RIC1: variants seen among roughly 807,000 people sequenced by gnomAD.
RIC1 encodes the protein guanine nucleotide exchange factor subunit RIC1.
RIC1 carries 88 observed loss-of-function variants against 169.0 expected under a neutral mutation model. The observed-to-expected ratio is 0.52, with a 90% CI of 0.44 to 0.62. The LOEUF is 0.62. RIC1 is among the 20% of genes least tolerant of loss of function. The pLI is 0.00. For missense variants in RIC1, 1,877 were observed against 1,725.5 expected (o/e 1.09, Z -1.56); for synonymous variants, 790 against 601.5 (o/e 1.31, Z -4.59).
chr9:5,766,538 A>G (rs1015685969), intron 21 of RIC1, among the ~76,000 whole-genome samples: 1 of 151,940 alleles, frequency 6.6e-6, no homozygotes, highest in Non-Finnish European at 1.5e-5. Context: ...CCATTGTATC[A>G]TTCTTATGCC....
At position 5,732,371 on chromosome 9, in the gene RIC1, A is replaced by G. The variant is rs1420674974; in HGVS notation, c.721-17A>G. The G allele has an allele frequency of 8.8e-6, 14 of 1,591,152 alleles. No individual in the cohort carries two copies. Among genetic ancestry groups the G allele is most frequent in the South Asian group, 1.1e-5 (1 of 87,800 alleles). On this transcript the variant is annotated splice_polypyrimidine_tract_variant and intron_variant, in intron 6 of 25. Transcript: ENST00000414202. ...GAGAAACACTTTTTAAGCCTTAACT[A>G]TTTTTCTTTATTATAGCAGCTTCAT...
chr9:5,669,315 C>T (rs1175995502), intron 2 of RIC1, among the ~76,000 whole-genome samples: 1 of 152,164 alleles, frequency 6.6e-6, no homozygotes, highest in Non-Finnish European at 1.5e-5. Flanking sequence ...CCCCAAAGTC[C>T]ATTGTATCAT....
intron 3 of RIC1, among the ~76,000 whole-genome samples, chr9:5,703,328 TTAAAGCTCCAA>T (rs1173820944): frequency 1.3e-5 from 2 of 152,252 alleles, no homozygotes; most frequent in Non-Finnish European, 2.9e-5. Flanking sequence ...TCATTAATTC[TTAAAGCTCCAA>T]AATAACCTCC....
intron 8 of RIC1, among the ~76,000 whole-genome samples, chr9:5,739,189 C>T (rs1365665454): frequency 6.6e-6 from 1 of 152,148 alleles, no homozygotes; most frequent in East Asian, 1.9e-4. Context: ...CTGAATCTCC[C>T]TAAGCCTTTG....
intron 3 of RIC1, among the ~76,000 whole-genome samples, chr9:5,701,194 G>GT (rs1016272542): frequency 2.6e-4 from 40 of 152,034 alleles, no homozygotes; most frequent in Admixed American, 2.6e-3. Context: ...AGCTCTGAAT[G>GT]TTTTTTTTCT....
chr9:5,674,755 T>C (rs1473780026), intron 2 of RIC1, among the ~76,000 whole-genome samples: 1 of 152,160 alleles, frequency 6.6e-6, no homozygotes, highest in Non-Finnish European at 1.5e-5. Flanking sequence ...ACCCTCCTTC[T>C]CTCCCCTCCA....
At chr9:5,713,393 C>T (rs1301934589) in intron 3 of RIC1, 1 of 152,364 alleles carries the variant, frequency 6.6e-6, no homozygotes, top group East Asian at 1.9e-4. Context: ...TACTAAGTAA[C>T]TTGTGAAACA....
chr9:5,633,569 C>T (rs1817825718), intron 1 of RIC1, among the ~76,000 whole-genome samples: 1 of 152,134 alleles, frequency 6.6e-6, no homozygotes, highest in African/African-American at 2.4e-5. Context: ...ACTGCTTCCC[C>T]ACTACTGCCA....
intron 1 of RIC1, among the ~76,000 whole-genome samples, chr9:5,638,958 C>T (rs537188331): frequency 1.3e-5 from 2 of 152,220 alleles, no homozygotes; most frequent in Admixed American, 6.5e-5. Flanking sequence ...CTTTATTCTC[C>T]AGGCTAGAGT....
At chr9:5,643,125 C>A (rs1229019531) in intron 1 of RIC1, among the ~76,000 whole-genome samples, 1 of 151,896 alleles carries the variant, frequency 6.6e-6, no homozygotes, top group Non-Finnish European at 1.5e-5. Context: ...TATAGGGAGA[C>A]CCCCATCTCT....
chr9:5,698,511 A>G (rs1416684143), intron 3 of RIC1, among the ~76,000 whole-genome samples: 1 of 152,212 alleles, frequency 6.6e-6, no homozygotes, highest in African/African-American at 2.4e-5. Context: ...AAGTTAATGT[A>G]TGGAAAATAC....
intron 3 of RIC1, among the ~76,000 whole-genome samples, chr9:5,700,196 A>C (rs1822132930): frequency 1.3e-5 from 2 of 152,088 alleles, no homozygotes; most frequent in African/African-American, 4.8e-5. Flanking sequence ...AATGACCGAC[A>C]CTTCTTAGCT....
intron 12 of RIC1, among the ~76,000 whole-genome samples, chr9:5,748,150 G>A (rs537768238): frequency 4.1e-4 from 63 of 152,252 alleles, no homozygotes; most frequent in African/African-American, 1.5e-3. Flanking sequence ...GTAAGTTGAA[G>A]TTTCTTAAAA....
At chr9:5,738,636 G>A (rs1181889634) in intron 8 of RIC1, 98 bp downstream of exon 8, 47 of 650,392 alleles carry the variant, frequency 7.2e-5, no homozygotes, top group Non-Finnish European at 1.0e-4. Flanking sequence ...TACATGTCAT[G>A]CTATAGGTCA....
At chr9:5,681,534 A>C (rs923745439) in intron 2 of RIC1, among the ~76,000 whole-genome samples, 2 of 152,114 alleles carry the variant, frequency 1.3e-5, no homozygotes, top group Admixed American at 1.3e-4. Flanking sequence ...CTGTTCTTTT[A>C]CATTTGCTGA....
At chr9:5,728,975 G>A (rs1049230643) in intron 6 of RIC1, among the ~76,000 whole-genome samples, 1 of 152,046 alleles carries the variant, frequency 6.6e-6, no homozygotes, top group Admixed American at 6.6e-5. Flanking sequence ...TTTACTTGGG[G>A]GTCCTCCTAC....
At chr9:5,668,083 T>C (rs1819885382) in intron 2 of RIC1, among the ~76,000 whole-genome samples, 1 of 152,120 alleles carries the variant, frequency 6.6e-6, no homozygotes, top group South Asian at 2.1e-4. Flanking sequence ...CATGTCCCTC[T>C]TCACGTGGTG....
chr9:5,728,089 A>G (rs536643425), intron 6 of RIC1, among the ~76,000 whole-genome samples: 1 of 152,364 alleles, frequency 6.6e-6, no homozygotes, highest in Admixed American at 6.5e-5. Context: ...AGGGACATTT[A>G]CGTCTGCAGA....
intron 2 of RIC1, among the ~76,000 whole-genome samples, chr9:5,688,032 T>C (rs902975673): frequency 5.9e-5 from 9 of 152,214 alleles, no homozygotes; most frequent in African/African-American, 1.9e-4. Flanking sequence ...TATTTTAGTA[T>C]TTCTGTTTCT....
Sources: gnomAD v4.1 joint callset for allele counts (sites outside exome capture counted in the v4.1 genomes callset) on GRCh38, gnomAD v4.1.1 for gene constraint, MANE v1.5 for transcripts, NCBI Gene and HGNC (gene_info 2026-07-23, HGNC 2026-07-21) for gene names.